The following POGLUT1 variants were observed in gnomAD, a reference collection of about 807,000 sequenced individuals.
The protein encoded by POGLUT1 is protein O-glucosyltransferase 1.
Under a neutral mutation model 61.3 loss-of-function variants are expected in POGLUT1, and 32 were observed. The observed-to-expected ratio is 0.52, with a 90% confidence interval of 0.39 to 0.70. The LOEUF is 0.70. POGLUT1 is among the 30% of genes least tolerant of loss of function. POGLUT1 has a pLI of 0.00. For synonymous variants in POGLUT1, 158 were observed against 158.2 expected, an observed-to-expected ratio of 1.00 and a Z score of 0.01; for missense variants, 411 against 469.8, an observed-to-expected ratio of 0.87 and a Z score of 1.16.
At chr3:119,478,869 G>T (rs1192460270) in intron 4 of POGLUT1, among the ~76,000 whole-genome samples, 1 of 149,536 alleles carries the variant, frequency 6.7e-6, no homozygotes, top group East Asian at 2.0e-4. Context: ...AGCACTTTGG[G>T]AGGCCGAGGC....
chr3:119,487,802 A>G (rs1249094601), intron 7 of POGLUT1, among the ~76,000 whole-genome samples: 1 of 152,126 alleles, frequency 6.6e-6, no homozygotes, highest in East Asian at 1.9e-4. Context: ...GTTTAAATCA[A>G]TGGTCTCAAC....
At chr3:119,469,313 C>T (rs2081438236) in intron 1 of POGLUT1, 1 of 590,708 alleles carries the variant, frequency 1.7e-6, no homozygotes, top group African/African-American at 1.9e-5. Flanking sequence ...AACCCATTCC[C>T]CGGAATTCAG....
intron 2 of POGLUT1, among the ~76,000 whole-genome samples, chr3:119,470,528 A>T (rs2081457917): frequency 6.6e-6 from 1 of 152,180 alleles, no homozygotes; most frequent in African/African-American, 2.4e-5. Flanking sequence ...TTGAATCCAG[A>T]TCATGCCACT....
chr3:119,473,511 C>T (rs2081501191), intron 3 of POGLUT1, among the ~76,000 whole-genome samples: 1 of 152,104 alleles, frequency 6.6e-6, no homozygotes, highest in East Asian at 1.9e-4. Context: ...CCTATCCTAG[C>T]TACATATACA....
chr3:119,488,528 A>G (rs1427683594), intron 7 of POGLUT1: 3 of 154,212 alleles, frequency 1.9e-5, no homozygotes, highest in Non-Finnish European at 2.9e-5. Flanking sequence ...TGCATGCCCA[A>G]CAAAATTTGA....
At chr3:119,484,392 T>C (rs1394321647) in intron 5 of POGLUT1, among the ~76,000 whole-genome samples, 1 of 152,210 alleles carries the variant, frequency 6.6e-6, no homozygotes, top group Non-Finnish European at 1.5e-5. Flanking sequence ...TGCAGACTTC[T>C]GTGCAGGGAG....
At chr3:119,470,651 T>C (rs2081459179) in intron 2 of POGLUT1, among the ~76,000 whole-genome samples, 2 of 152,128 alleles carry the variant, frequency 1.3e-5, no homozygotes, top group South Asian at 2.1e-4. Context: ...GACTTGGGTG[T>C]TGGTGCCGGT....
At chr3:119,487,026 T>C (rs1473487837) in intron 7 of POGLUT1, 94 bp downstream of exon 7, 4 of 833,040 alleles carry the variant, frequency 4.8e-6, no homozygotes, top group Middle Eastern at 2.2e-4. Context: ...AGGTTTCCTG[T>C]CAGTGGTGAG....
intron 1 of POGLUT1, chr3:119,469,350 C>T (rs1252550562): frequency 5.2e-6 from 3 of 581,936 alleles, no homozygotes; most frequent in Admixed American, 6.2e-5. Flanking sequence ...GGGAATTCCC[C>T]GTTCACCCGC....
In POGLUT1 at chr3:119,471,457, G is replaced by A; in HGVS notation, c.320+5G>A. The A allele has an allele frequency of 1.2e-6, 2 of 1,613,326 alleles. No individual in the cohort carries two copies. Among genetic ancestry groups the A allele is most frequent in the Non-Finnish European group, 1.7e-6 (2 of 1,179,522 alleles). ...TGACTGCATGTTCCCCTCAAGGTAA[G>A]AGTTAACGAGGTAGATATATCTTCT... is the stretch of plus-strand genomic sequence containing the variant. On this transcript the variant is annotated splice_donor_5th_base_variant and intron_variant, in intron 3 of 10. Coordinates refer to ENST00000295588, the MANE Select transcript of POGLUT1 (RefSeq NM_152305.3).
intron 10 of POGLUT1, 21 bp downstream of exon 10, chr3:119,491,595 CT>C (rs34282237): frequency 1.3e-5 from 18 of 1,422,268 alleles, no homozygotes; most frequent in Admixed American, 1.9e-5. Flanking sequence ...TTCATTTTCC[CT>C]TTTCCACTTT....
intron 8 of POGLUT1, chr3:119,490,097 G>A (rs748809852): frequency 6.2e-6 from 1 of 161,218 alleles, no homozygotes; most frequent in Non-Finnish European, 1.4e-5. Flanking sequence ...GGGTACACTA[G>A]AGGAAAAACA....
At chr3:119,491,225 A>G (rs1029060842) in intron 9 of POGLUT1, among the ~76,000 whole-genome samples, 8 of 148,066 alleles carry the variant, frequency 5.4e-5, no homozygotes, top group Non-Finnish European at 8.9e-5. Flanking sequence ...TAATATAAAT[A>G]TCTAATATAA....
rs746467283 is a variant in POGLUT1 at position 119,485,363 on chromosome 3, C to G, written c.614C>G (p.Ser205Cys). Residue 205 changes from serine to cysteine, a missense_variant, in exon 6 of 11, where the codon TCT (serine) becomes TGT (cysteine). Coordinates refer to ENST00000295588, the MANE Select transcript of POGLUT1 (RefSeq NM_152305.3). ...CAGTGGCCATGGAAAAAGAAAAACTCTACAGCATATTTCCGAGGATCAAGG... is the reference window on the plus strand; with the variant it reads ...CAGTGGCCATGGAAAAAGAAAAACTGTACAGCATATTTCCGAGGATCAAGG... ...AAQWPWKKKN[S>C]TAYFRGSRTS... 1.2e-6 allele frequency: 2 copies of G among 1,608,186 alleles called. No individual in the cohort carries two copies. The highest frequency in any genetic ancestry group is 2.2e-5 in the South Asian group (2 of 90,656).
Position 119,468,968 on chromosome 3 carries a change from G to A in POGLUT1, c.-54G>A. 1 of 1,490,742 alleles carries A rather than the reference G, an allele frequency of 6.7e-7. No homozygotes were observed. Among genetic ancestry groups the A allele is most frequent in the Non-Finnish European group, 9.1e-7 (1 of 1,092,912 alleles). The allele number at this position is 1,490,742 out of a possible 1,614,324, so 92.3% of individuals were successfully genotyped here. A position where few individuals can be genotyped will look rare whatever the true frequency, so the allele number is the denominator to read the frequency against. On this transcript the variant is annotated 5_prime_UTR_variant, in exon 1 of 11. Coordinates refer to ENST00000295588, the MANE Select transcript of POGLUT1 (RefSeq NM_152305.3). ...GCGGCTCCCGGGCCATCTTTGTGCG[G>A]GGCCGCGCTTCCGCCAGCGCCGCAG...
chr3:119,483,353 T>A (rs922067241), intron 5 of POGLUT1, among the ~76,000 whole-genome samples: 4 of 152,200 alleles, frequency 2.6e-5, no homozygotes, highest in African/African-American at 9.6e-5. Context: ...TGCCAGAGAT[T>A]ATAAAATGGA....
intron 4 of POGLUT1, chr3:119,478,130 G>T (rs1473440688): frequency 2.9e-6 from 1 of 341,786 alleles, no homozygotes; most frequent in Non-Finnish European, 5.7e-6. Context: ...GATGGGCCTT[G>T]GTTCCCTAGA....
At position 119,469,869 on chromosome 3, in the gene POGLUT1, T is replaced by G. The variant is rs375158410; in HGVS notation, c.135T>G (p.Asn45Lys). ...ACCAAATTAACAGGTCTTTGGAGAATTACGAACCATGTTCAAGTCAAAACT... is the reference window on the plus strand; with the variant it reads ...ACCAAATTAACAGGTCTTTGGAGAAGTACGAACCATGTTCAAGTCAAAACT... Reference protein sequence around the residue: ...FIDQINRSLENYEPCSSQNCS... With the variant: ...FIDQINRSLEKYEPCSSQNCS... The change falls in exon 2 of 11, where the codon AAT becomes AAG. Residue 45 changes from asparagine to lysine, a missense_variant. Coordinates refer to ENST00000295588, the MANE Select transcript of POGLUT1 (RefSeq NM_152305.3). The G allele has an allele frequency of 1.9e-6, 3 of 1,609,538 alleles. No homozygotes were observed. Among genetic ancestry groups the G allele is most frequent in the Middle Eastern group, 1.7e-4 (1 of 6,056 alleles).
chr3:119,485,229 G>T lies in POGLUT1; in HGVS notation c.579-99G>T, dbSNP rs928012223. ...GAGACTCCGTCTCAAAAAAAAAAAA[G>T]AAATATGAAGCTCTGAACTAATCTT... On this transcript the variant is annotated intron_variant, in intron 5 of 10. Coordinates refer to ENST00000295588, the MANE Select transcript of POGLUT1 (RefSeq NM_152305.3). 6 of 722,820 alleles carry T rather than the reference G, an allele frequency of 8.3e-6. No individual in the cohort carries two copies. In the African/African-American group the frequency reaches 9.4e-5, roughly 11 times the overall value. The allele number at this position is 722,820 out of a possible 1,614,324, so 44.8% of individuals were successfully genotyped here. A position where few individuals can be genotyped will look rare whatever the true frequency, so the allele number is the denominator to read the frequency against.
Sources: allele counts gnomAD v4.1 joint callset (sites outside exome capture counted in the v4.1 genomes callset), GRCh38; gene constraint gnomAD v4.1.1; transcripts MANE v1.5; gene names NCBI Gene and HGNC (gene_info 2026-07-23, HGNC 2026-07-21).